Variants in PAX3 observed in about 807,000 individuals in gnomAD.
The protein encoded by PAX3 is paired box 3.
Under a neutral mutation model 51.6 loss-of-function variants are expected in PAX3, and 14 were observed. That is an observed-to-expected ratio of 0.27 (90% CI 0.18 to 0.42). The LOEUF (loss-of-function observed/expected upper bound fraction) is 0.42, where lower values mean the gene tolerates loss of function less well. PAX3 is among the 10% of genes least tolerant of loss of function. The pLI is 1.00. For synonymous variants in PAX3, 280 were observed against 253.4 expected (o/e 1.11, Z -1.00); for missense variants, 540 against 642.8 (o/e 0.84, Z 1.73).
chr2:222,239,345 G>C (rs2106107634), intron 4 of PAX3, among the ~76,000 whole-genome samples: 1 of 151,614 alleles, frequency 6.6e-6, no homozygotes, highest in Admixed American at 6.6e-5. Context: ...TTTTCAGAGA[G>C]AGAAGGAGGG....
chr2:222,220,219 C>T lies in PAX3; in HGVS notation c.1094G>A (p.Ser365Asn), dbSNP rs2106071912. 1 of 1,613,928 alleles carries T rather than the reference C, an allele frequency of 6.2e-7. No individual in the cohort carries two copies. Among genetic ancestry groups the T allele is most frequent in the Middle Eastern group, 1.6e-4 (1 of 6,062 alleles). ...CLPSTRHGFS[S>N]YTDSFVPPSG... ...CGGAGGCACAAAGCTGTCTGTATAGCTGGAAAATCCATGCCTGGTGCTGGG... is the reference window on the plus strand; with the variant it reads ...CGGAGGCACAAAGCTGTCTGTATAGTTGGAAAATCCATGCCTGGTGCTGGG... Residue 365 changes from serine to asparagine, a missense_variant, in exon 7 of 9, where the codon AGC becomes AAC. This residue lies in a region of PAX3 where 427 missense variants were observed against 483.6 expected (regional missense o/e 0.88). Coordinates refer to ENST00000392070, the MANE Select transcript of PAX3 (RefSeq NM_181458.4).
At chr2:222,228,083 C>T (rs1471927356) in intron 5 of PAX3, among the ~76,000 whole-genome samples, 2 of 152,140 alleles carry the variant, frequency 1.3e-5, no homozygotes, top group Admixed American at 6.5e-5. Context: ...TTCCCAGATC[C>T]TCTAAAAACT....
At chr2:222,214,954 C>A (rs889284528) in intron 7 of PAX3, 1 of 151,912 alleles carries the variant, frequency 6.6e-6, no homozygotes, top group Admixed American at 6.6e-5. Context: ...CACTCATAAA[C>A]CAGAAACTAA....
At chr2:222,253,871 T>G (rs1693534668) in intron 4 of PAX3, among the ~76,000 whole-genome samples, 1 of 152,162 alleles carries the variant, frequency 6.6e-6, no homozygotes, top group Non-Finnish European at 1.5e-5. Flanking sequence ...CCCAGCCTGT[T>G]GCCAAACTCC....
At chr2:222,283,390 T>C (rs561951934) in intron 4 of PAX3, among the ~76,000 whole-genome samples, 75 of 152,288 alleles carry the variant, frequency 4.9e-4, no homozygotes, top group African/African-American at 1.5e-3. Context: ...GGAAAAATGG[T>C]CAAGATACTG....
intron 2 of PAX3, among the ~76,000 whole-genome samples, chr2:222,296,065 G>T (rs1262529616): frequency 6.6e-6 from 1 of 152,238 alleles, no homozygotes; most frequent in South Asian, 2.1e-4. Context: ...TCTGCAACTT[G>T]TGCTTTTCCA....
rs188039701 is a variant in PAX3, at chr2:222,288,490, A to G, written c.586+5677T>C. 3.3e-4 allele frequency among the ~76,000 whole-genome samples: 51 copies of G among 152,372 alleles called. 1 individual carries two copies. The highest frequency in any genetic ancestry group is 1.2e-3 in the African/African-American group (48 of 41,594). ...ACACGTGTAGAGAGATGTAGTCAAT[A>G]TAACACTCAGATTCCTGTGTATTTA... On this transcript the variant is annotated intron_variant, in intron 4 of 8. Transcript: ENST00000392070.
chr2:222,267,625 T>C (rs1434411079), intron 4 of PAX3, among the ~76,000 whole-genome samples: 1 of 152,188 alleles, frequency 6.6e-6, no homozygotes, highest in East Asian at 1.9e-4. Context: ...GGACATTTTG[T>C]GGTATTTTTT....
intron 4 of PAX3, among the ~76,000 whole-genome samples, chr2:222,234,408 C>A (rs567643360): frequency 1.3e-5 from 2 of 152,136 alleles, no homozygotes; most frequent in Non-Finnish European, 2.9e-5. Context: ...CTAAAAAATA[C>A]GCTATGCATT....
chr2:222,204,324 G>A (rs1047496105), intron 7 of PAX3, among the ~76,000 whole-genome samples: 1 of 152,044 alleles, frequency 6.6e-6, no homozygotes, highest in African/African-American at 2.4e-5. Flanking sequence ...AACTAAGAAT[G>A]CATTTAAATT....
chr2:222,267,734 C>T (rs935780809), intron 4 of PAX3, among the ~76,000 whole-genome samples: 3 of 152,214 alleles, frequency 2.0e-5, no homozygotes, highest in East Asian at 3.8e-4. Context: ...GTGACACCCC[C>T]TAACCACTCA....
chr2:222,217,038 G>C (rs1691989704), intron 7 of PAX3, among the ~76,000 whole-genome samples: 1 of 152,194 alleles, frequency 6.6e-6, no homozygotes, highest in African/African-American at 2.4e-5. Context: ...TAAAGACAGA[G>C]AAAAGGCAAG....
At chr2:222,220,608 C>T (rs1157705142) in intron 6 of PAX3, among the ~76,000 whole-genome samples, 1 of 152,144 alleles carries the variant, frequency 6.6e-6, no homozygotes, top group Non-Finnish European at 1.5e-5. Flanking sequence ...ATGCAGAAAT[C>T]ATATTAGCAA....
chr2:222,253,112 C>T (rs66765910), intron 4 of PAX3, among the ~76,000 whole-genome samples: 17,646 of 152,122 alleles, frequency 0.12, 1,251 homozygotes, highest in East Asian at 0.32. Context: ...ACAAAGAAGC[C>T]AGAAGCAGCA....
At chr2:222,278,910 G>C (rs114728467) in intron 4 of PAX3, among the ~76,000 whole-genome samples, 4 of 152,158 alleles carry the variant, frequency 2.6e-5, no homozygotes, top group Non-Finnish European at 4.4e-5. Flanking sequence ...CCAGTTAAAG[G>C]CTTAACCAGT....
chr2:222,221,447 G>T, intron 5 of PAX3, 60 bp from the exon 6 acceptor site: 1 of 1,470,592 alleles, frequency 6.8e-7, no homozygotes, highest in South Asian at 1.1e-5. Context: ...CATTCTTAAT[G>T]AATTTTTTAT....
intron 4 of PAX3, among the ~76,000 whole-genome samples, chr2:222,245,316 G>A (rs955377598): frequency 1.1e-4 from 17 of 152,274 alleles, no homozygotes; most frequent in Non-Finnish European, 1.6e-4. Context: ...TGATTTTCAT[G>A]GGGAAAACCT....
At chr2:222,240,008 T>G (rs937139884) in intron 4 of PAX3, among the ~76,000 whole-genome samples, 4 of 152,056 alleles carry the variant, frequency 2.6e-5, no homozygotes, top group Non-Finnish European at 4.4e-5. Context: ...ACCCAAGCCC[T>G]TCCCTCGGAA....
chr2:222,212,606 A>G (rs1485488162), intron 7 of PAX3, among the ~76,000 whole-genome samples: 1 of 144,390 alleles, frequency 6.9e-6, no homozygotes, highest in Non-Finnish European at 1.5e-5. Flanking sequence ...ACAGAGACAG[A>G]TTCTTTGGAA....
Sources: gnomAD v4.1 joint callset for allele counts (sites outside exome capture counted in the v4.1 genomes callset) on GRCh38, gnomAD v4.1.1 for gene constraint, gnomAD v4.1.1 regional missense constraint, MANE v1.5 for transcripts, NCBI Gene and HGNC (gene_info 2026-07-23, HGNC 2026-07-21) for gene names.